The following UGT8 variants were observed in gnomAD, a reference collection of about 807,000 sequenced individuals.
UGT8 encodes 2-hydroxyacylsphingosine 1-beta-galactosyltransferase.
In UGT8, 12 loss-of-function variants were observed where a neutral mutation model predicts 40.5. The ratio of observed to expected loss-of-function variants is 0.30; its 90% CI spans 0.19 to 0.48. The LOEUF (loss-of-function observed/expected upper bound fraction) is 0.48. Ranked by LOEUF, UGT8 falls within the 20% of genes least tolerant of loss-of-function variation. The probability of loss-of-function intolerance (pLI) is 0.99; values close to 1 mark genes in which losing one functional copy is unlikely to be tolerated. For synonymous variants in UGT8, 224 were observed against 240.4 expected (o/e 0.93, Z 0.63); for missense variants, 513 against 648.7 (o/e 0.79, Z 2.27).
At chr4:114,653,691 C>T (rs1734012656) in intron 2 of UGT8, among the ~76,000 whole-genome samples, 2 of 151,996 alleles carry the variant, frequency 1.3e-5, no homozygotes, top group African/African-American at 2.4e-5. Flanking sequence ...ACTCTGAAAT[C>T]AAGAGAAAAC....
At chr4:114,660,014 T>C (rs765539699) in intron 2 of UGT8, among the ~76,000 whole-genome samples, 1 of 152,174 alleles carries the variant, frequency 6.6e-6, no homozygotes, top group Non-Finnish European at 1.5e-5. Context: ...AAAATAAAGA[T>C]GGATGTCACT....
At chr4:114,649,322 C>T (rs965229169) in intron 2 of UGT8, among the ~76,000 whole-genome samples, 5 of 152,060 alleles carry the variant, frequency 3.3e-5, no homozygotes, top group African/African-American at 4.8e-5. Flanking sequence ...CAATCAGAAG[C>T]GTGAACATTT....
chr4:114,619,514 A>C (rs1731647997), intron 1 of UGT8: 1 of 152,138 alleles, frequency 6.6e-6, no homozygotes, highest in Non-Finnish European at 1.5e-5. Context: ...AGAGAAAAAC[A>C]ATACTATTTT....
At chr4:114,639,584 A>T (rs35717197) in intron 2 of UGT8, among the ~76,000 whole-genome samples, 90,871 of 152,022 alleles carry the variant, frequency 0.6, 30,028 homozygotes, top group East Asian at 0.81. Context: ...ACAACTGAGC[A>T]TGGTGCCTTT....
chr4:114,630,648 TTTTC>T (rs1732511994), intron 2 of UGT8, among the ~76,000 whole-genome samples: 1 of 152,126 alleles, frequency 6.6e-6, no homozygotes, highest in African/African-American at 2.4e-5. Context: ...GATTTTTTTT[TTTTC>T]TTTCTTCCAT....
At position 114,676,251 on chromosome 4, in the gene UGT8, G is replaced by A. The variant is rs1387053276; in HGVS notation, c.1589G>A (p.Arg530Lys). 43 of 1,603,648 alleles carry A rather than the reference G, an allele frequency of 2.7e-5. No homozygotes were observed. In the East Asian group the frequency reaches 9.4e-4, roughly 35 times the overall value. Residue 530 changes from arginine to lysine, a missense_variant, in exon 6 of 6, where the codon AGA becomes AAA. Around this residue, in one of 3 missense-constraint regions of UGT8, gnomAD observed 175 missense variants for 186.7 expected, o/e 0.94. Transcript: ENST00000310836. ...HNGILNGKYK[R>K]NGHIKHEKKV... ...GGAATCCTCAATGGCAAGTACAAAA[G>A]AAATGGCCATATTAAACATGAAAAG...
chr4:114,623,600 G>A lies in UGT8; in HGVS notation c.720G>A (p.Trp240Ter). ...MYDLVHGSSLWMLCTDVALEF... is the reference protein window; with the variant it reads ...MYDLVHGSSL ...ATTTGGTTCATGGGTCCAGCCTGTG[G>A]ATGCTGTGTACTGACGTAGCACTGG... The change falls in exon 2 of 6, where the codon TGG becomes TGA. Residue 240 changes from tryptophan (W) to a stop codon, truncating the protein, a stop_gained. Transcript: ENST00000310836. LOFTEE classifies it high-confidence loss of function. 1 of 1,614,146 alleles carries A rather than the reference G, an allele frequency of 6.2e-7. No individual in the cohort carries two copies.
At chr4:114,622,215 T>G (rs935568714) in intron 1 of UGT8, among the ~76,000 whole-genome samples, 3 of 151,280 alleles carry the variant, frequency 2.0e-5, no homozygotes, top group Admixed American at 6.6e-5. Context: ...TTTGGTTTTT[T>G]GTTCTTGCGA....
Position 114,623,351 on chromosome 4 carries a change from A to G in UGT8, c.471A>G (p.Val157=), listed in dbSNP as rs1353261448. The change falls in exon 2 of 6, where the codon GTA becomes GTG. Residue 157 remains valine, a synonymous_variant. Transcript: ENST00000310836. ...IAHLLGVKYA[V]FSTGLWYPAE... is the part of the protein sequence containing the mutation. The stretch of plus-strand genomic sequence containing the variant: ...ATCTTTTAGGGGTTAAATATGCTGT[A>G]TTTTCAACTGGCCTTTGGTATCCTG... 3.1e-6 allele frequency: 5 copies of G among 1,614,100 alleles called. No homozygotes were observed. The highest frequency in any genetic ancestry group is 1.7e-5 in the Admixed American group (1 of 60,006).
chr4:114,665,418 T>A (rs1734798158), intron 3 of UGT8: 1 of 985,378 alleles, frequency 1.0e-6, no homozygotes, highest in Non-Finnish European at 1.2e-6. Context: ...CCCATCTCTG[T>A]ATGTGTATAG....
At chr4:114,651,997 A>C (rs950566073) in intron 2 of UGT8, among the ~76,000 whole-genome samples, 3 of 148,430 alleles carry the variant, frequency 2.0e-5, no homozygotes, top group African/African-American at 7.4e-5. Flanking sequence ...TATAGTCTGC[A>C]AAAAAAAAAT....
chr4:114,645,668 TAC>T (rs1733525855), intron 2 of UGT8, among the ~76,000 whole-genome samples: 1 of 152,200 alleles, frequency 6.6e-6, no homozygotes, highest in Non-Finnish European at 1.5e-5. Flanking sequence ...AACCTGCTTA[TAC>T]TAAAGAAGTA....
chr4:114,657,079 A>AT (rs563656133), intron 2 of UGT8, among the ~76,000 whole-genome samples: 1,625 of 148,264 alleles, frequency 0.011, 13 homozygotes, highest in South Asian at 0.034. Context: ...TTCCGTAGTG[A>AT]TTTTTTTTTT....
chr4:114,608,157 C>T (rs553392159), intron 1 of UGT8, among the ~76,000 whole-genome samples: 4 of 152,266 alleles, frequency 2.6e-5, no homozygotes, highest in Admixed American at 2.6e-4. Context: ...AGATGTCCTG[C>T]CTTTTTTTTC....
At chr4:114,675,894 C>CA (rs776696043) in intron 5 of UGT8, 31 bp from the exon 6 acceptor site, 2 of 1,569,558 alleles carry the variant, frequency 1.3e-6, no homozygotes, top group East Asian at 4.5e-5. Context: ...TTATAAGCAT[C>CA]ATCATTCTGT....
intron 2 of UGT8, among the ~76,000 whole-genome samples, chr4:114,657,689 T>A (rs1734271163): frequency 6.8e-6 from 1 of 147,062 alleles, no homozygotes; most frequent in African/African-American, 2.5e-5. Context: ...CAGAATGACC[T>A]TTTTTTTTTT....
chr4:114,672,077 C>T (rs1309765797), intron 5 of UGT8, among the ~76,000 whole-genome samples: 1 of 152,218 alleles, frequency 6.6e-6, no homozygotes, highest in East Asian at 1.9e-4. Context: ...AAAAGGTTAA[C>T]ATCACTGATC....
At chr4:114,654,239 A>C (rs866084550) in intron 2 of UGT8, among the ~76,000 whole-genome samples, 1 of 152,050 alleles carries the variant, frequency 6.6e-6, no homozygotes, top group African/African-American at 2.4e-5. Context: ...GTCACAAAGT[A>C]GGTATTCAGT....
At chr4:114,660,042 A>G (rs1028319863) in intron 2 of UGT8, among the ~76,000 whole-genome samples, 1 of 152,226 alleles carries the variant, frequency 6.6e-6, no homozygotes, top group African/African-American at 2.4e-5. Flanking sequence ...TTTCCTTCAG[A>G]ATAAATTCTC....
Sources: gnomAD v4.1 joint callset for allele counts (sites outside exome capture counted in the v4.1 genomes callset) on GRCh38, gnomAD v4.1.1 for gene constraint, gnomAD v4.1.1 regional missense constraint, MANE v1.5 for transcripts, NCBI Gene and HGNC (gene_info 2026-07-23, HGNC 2026-07-21) for gene names.